The following ANK2 variants were observed in gnomAD, a reference collection of about 807,000 sequenced individuals.
The protein encoded by ANK2 is ankyrin 2.
A neutral mutation model predicts 360.5 loss-of-function variants in ANK2; 83 were observed. The ratio of observed to expected loss-of-function variants is 0.23; its 90% CI spans 0.19 to 0.28. The LOEUF (loss-of-function observed/expected upper bound fraction) is 0.28, where lower values mean the gene tolerates loss of function less well. Among genes scored for constraint, ANK2 ranks in the 10% least tolerant of loss-of-function variants. The pLI is 1.00. For synonymous variants in ANK2, 1,740 were observed against 1,759.5 expected (o/e 0.99, Z 0.28); for missense variants, 4,201 against 4,795.7 (o/e 0.88, Z 3.66).
At chr4:113,226,162 G>A (rs2099218538) in intron 4 of ANK2, among the ~76,000 whole-genome samples, 1 of 152,066 alleles carries the variant, frequency 6.6e-6, no homozygotes, top group Non-Finnish European at 1.5e-5. Flanking sequence ...CTGGACTATA[G>A]TCTGGCCTCT....
At position 113,339,314 on chromosome 4, in the gene ANK2, G is replaced by A; in HGVS notation, c.3885G>A (p.Val1295=). ...AATGTGTTTCCTTTACAACAAACGTGTCTGCCAGGTATCGTTATATAGCAC... is the reference window on the plus strand; with the variant it reads ...AATGTGTTTCCTTTACAACAAACGTATCTGCCAGGTATCGTTATATAGCAC... The part of the protein sequence containing the change: ...VNECVSFTTN[V]SARFWLIDCR... Residue 1295 remains valine, a synonymous_variant, in exon 32 of 46, where the codon GTG becomes GTA. Transcript: ENST00000357077. The A allele has an allele frequency of 6.2e-7, 1 of 1,613,384 alleles. No individual in the cohort carries two copies. Among genetic ancestry groups the A allele is most frequent in the South Asian group, 1.1e-5 (1 of 91,072 alleles).
At chr4:113,068,379 C>T (rs185061303) in intron 1 of ANK2, among the ~76,000 whole-genome samples, 449 of 152,232 alleles carry the variant, frequency 2.9e-3, no homozygotes, top group African/African-American at 0.01. Flanking sequence ...GATCTTTAAG[C>T]GTATGTTACC....
the ANK2 span, among the ~76,000 whole-genome samples, chr4:112,716,881 G>A: frequency 6.3e-4 from 96 of 152,126 alleles, no homozygotes; most frequent in African/African-American, 2.2e-3. Context: ...CCCTTTCCCC[G>A]TTTTGTTTAC....
chr4:113,151,130 G>A, intron 1 of ANK2: 1 of 1,287,572 alleles, frequency 7.8e-7, no homozygotes, highest in Middle Eastern at 2.1e-4. Context: ...AAAAGGTGAT[G>A]GAAGCAAAAA....
At chr4:113,140,945 T>G (rs1008643644) in intron 1 of ANK2, among the ~76,000 whole-genome samples, 1 of 151,484 alleles carries the variant, frequency 6.6e-6, no homozygotes, top group African/African-American at 2.4e-5. Flanking sequence ...GCCATTGCAC[T>G]CCAGCCTGGG....
intron 27 of ANK2, 114 bp from the exon 28 acceptor site, chr4:113,331,858 G>A (rs767261343): frequency 5.0e-5 from 49 of 975,898 alleles, no homozygotes; most frequent in Non-Finnish European, 7.6e-5. Flanking sequence ...ACCAAACGCA[G>A]TGTGAAACCA....
intron 13 of ANK2, among the ~76,000 whole-genome samples, chr4:113,262,827 G>A (rs1357403108): frequency 6.6e-6 from 1 of 151,740 alleles, no homozygotes; most frequent in Non-Finnish European, 1.5e-5. Flanking sequence ...ATGTATTTTG[G>A]TATTGGTGGG....
At chr4:112,863,603 A>G (rs1371581558) in intron 1 of ANK2, among the ~76,000 whole-genome samples, 1 of 147,820 alleles carries the variant, frequency 6.8e-6, no homozygotes, top group East Asian at 2.0e-4. Flanking sequence ...GCTCACTGCA[A>G]GCTCCGCCTC....
intron 45 of ANK2, among the ~76,000 whole-genome samples, chr4:113,380,881 A>T (rs922144960): frequency 6.6e-6 from 1 of 152,090 alleles, no homozygotes; most frequent in Non-Finnish European, 1.5e-5. Flanking sequence ...GCAGATCTTC[A>T]TCTTTTGTTG....
chr4:113,254,356 G>A (rs1426681749), intron 10 of ANK2, among the ~76,000 whole-genome samples: 1 of 152,150 alleles, frequency 6.6e-6, no homozygotes. Flanking sequence ...GCTTGAGTAG[G>A]TGCTAAGTAA....
At chr4:112,966,734 A>G (rs1418390067) in intron 2 of ANK2, among the ~76,000 whole-genome samples, 1 of 152,214 alleles carries the variant, frequency 6.6e-6, no homozygotes, top group Non-Finnish European at 1.5e-5. Flanking sequence ...GATATTCTAT[A>G]TAAGCCTTTT....
intron 14 of ANK2, among the ~76,000 whole-genome samples, chr4:113,267,746 TC>T (rs1186660825): frequency 6.6e-6 from 1 of 152,230 alleles, no homozygotes; most frequent in African/African-American, 2.4e-5. Context: ...CTTTTTTGGT[TC>T]CATATGAAGT....
chr4:113,145,556 CTCTG>C (rs2096796645), intron 1 of ANK2: 1 of 1,004,818 alleles, frequency 1.0e-6, no homozygotes, highest in Non-Finnish European at 1.2e-6. Flanking sequence ...CTCCCCTGCT[CTCTG>C]TCTGCCTCAC....
upstream of ANK2, chr4:113,049,624 C>T: frequency 6.7e-7 from 1 of 1,494,922 alleles, no homozygotes. Context: ...CCTTCCCCAC[C>T]CCTCCTCCTC....
chr4:113,217,909 A>G (rs2153475865), intron 4 of ANK2, among the ~76,000 whole-genome samples: 1 of 151,928 alleles, frequency 6.6e-6, no homozygotes, highest in African/African-American at 2.4e-5. Flanking sequence ...AGAATTTGTT[A>G]AGCAGCTGCT....
At chr4:112,796,471 C>CAT in the ANK2 span, among the ~76,000 whole-genome samples, 2 of 151,144 alleles carry the variant, frequency 1.3e-5, no homozygotes, top group African/African-American at 4.9e-5. Flanking sequence ...TATATACACA[C>CAT]ACACACACAT....
At chr4:113,312,648 C>A (rs750707668) in intron 24 of ANK2, among the ~76,000 whole-genome samples, 20 of 151,944 alleles carry the variant, frequency 1.3e-4, no homozygotes, top group Non-Finnish European at 2.5e-4. Context: ...CAAACTGAGA[C>A]CAAATAATGA....
intron 4 of ANK2, among the ~76,000 whole-genome samples, chr4:113,224,541 A>G (rs1429549777): frequency 6.6e-6 from 1 of 152,184 alleles, no homozygotes; most frequent in African/African-American, 2.4e-5. Flanking sequence ...CAACTGTAAA[A>G]TGGTGACATC....
the ANK2 span, among the ~76,000 whole-genome samples, chr4:112,714,732 A>G: frequency 6.6e-6 from 1 of 152,250 alleles, no homozygotes; most frequent in Non-Finnish European, 1.5e-5. Context: ...ATAAAATGAG[A>G]AATAAATAGG....
Sources: gnomAD v4.1 joint callset for allele counts (sites outside exome capture counted in the v4.1 genomes callset) on GRCh38, gnomAD v4.1.1 for gene constraint, MANE v1.5 for transcripts, NCBI Gene and HGNC (gene_info 2026-07-23, HGNC 2026-07-21) for gene names.